Variants in LRP1B observed in about 807,000 individuals in gnomAD.
LRP1B encodes LDL receptor related protein 1B.
LRP1B carries 217 observed loss-of-function variants against 556.6 expected under a neutral mutation model. The observed-to-expected ratio is 0.39, with a 90% confidence interval of 0.35 to 0.44. The LOEUF is 0.44. Ranked by LOEUF, LRP1B falls within the 20% of genes least tolerant of loss-of-function variation. LRP1B has a pLI of 1.00. For synonymous variants in LRP1B, 2,047 were observed against 1,865.8 expected (o/e 1.10, Z -2.50); for missense variants, 5,053 against 5,620.8 (o/e 0.90, Z 3.23).
At chr2:140,373,229 T>C (rs2105172400) in intron 68 of LRP1B, 92 bp from the exon 69 acceptor site, 1 of 1,037,702 alleles carries the variant, frequency 9.6e-7, no homozygotes, top group Non-Finnish European at 1.4e-6. Context: ...ACAGAAAACC[T>C]GGAACTGATC....
At chr2:141,154,146 C>G (rs1462659802) in intron 7 of LRP1B, among the ~76,000 whole-genome samples, 1 of 151,764 alleles carries the variant, frequency 6.6e-6, no homozygotes, top group African/African-American at 2.4e-5. Flanking sequence ...AGATTACAAG[C>G]TAATACGACT....
intron 32 of LRP1B, among the ~76,000 whole-genome samples, chr2:140,805,802 T>C (rs1559130043): frequency 6.6e-6 from 1 of 152,058 alleles, no homozygotes; most frequent in African/African-American, 2.4e-5. Context: ...GAGAAATAGA[T>C]AAAGAGATAT....
At chr2:142,011,830 A>G (rs954611101) in intron 1 of LRP1B, among the ~76,000 whole-genome samples, 2 of 152,152 alleles carry the variant, frequency 1.3e-5, no homozygotes, top group Non-Finnish European at 2.9e-5. Flanking sequence ...ATATTTTGTG[A>G]CATTTAAAAA....
chr2:140,704,326 A>T (rs1277746807), intron 37 of LRP1B, among the ~76,000 whole-genome samples: 1 of 152,124 alleles, frequency 6.6e-6, no homozygotes. Context: ...TTGTTTTAAT[A>T]GTTGATATTT....
At chr2:140,756,972 AC>A (rs1553524279) in intron 35 of LRP1B, among the ~76,000 whole-genome samples, 1 of 152,208 alleles carries the variant, frequency 6.6e-6, no homozygotes, top group Non-Finnish European at 1.5e-5. Flanking sequence ...TATTAAAAAG[AC>A]AAAGACCCCA....
intron 46 of LRP1B, 42 bp downstream of exon 46, chr2:140,536,538 GA>G: frequency 6.4e-7 from 1 of 1,568,080 alleles, no homozygotes; most frequent in South Asian, 1.2e-5. Flanking sequence ...TAAAGAATCA[GA>G]AAACTTTATC....
At chr2:141,812,620 G>A (rs1442429417) in intron 1 of LRP1B, among the ~76,000 whole-genome samples, 2 of 152,042 alleles carry the variant, frequency 1.3e-5, no homozygotes, top group Non-Finnish European at 2.9e-5. Flanking sequence ...TAAAAACATA[G>A]GATCAGTTAT....
At chr2:142,064,608 G>A (rs1705037539) in intron 1 of LRP1B, among the ~76,000 whole-genome samples, 1 of 151,390 alleles carries the variant, frequency 6.6e-6, no homozygotes, top group Non-Finnish European at 1.5e-5. Flanking sequence ...TAAATGGTAT[G>A]ATATTCTGCA....
chr2:141,414,355 G>A (rs1448831592), intron 3 of LRP1B, among the ~76,000 whole-genome samples: 8 of 134,726 alleles, frequency 5.9e-5, no homozygotes, highest in African/African-American at 2.2e-4. Flanking sequence ...GAGGAAGGGA[G>A]GGAGGAAGAG....
chr2:141,752,514 T>G (rs1165090544), intron 2 of LRP1B, among the ~76,000 whole-genome samples: 1 of 152,128 alleles, frequency 6.6e-6, no homozygotes, highest in Non-Finnish European at 1.5e-5. Context: ...CACTATCCAC[T>G]AACTCCTGTG....
In LRP1B at chr2:141,197,882, G is replaced by T. The variant is rs560936784; in HGVS notation, c.851-9299C>A. On this transcript the variant is annotated intron_variant, in intron 6 of 90. Coordinates refer to ENST00000389484, the MANE Select transcript of LRP1B (RefSeq NM_018557.3). Reference sequence around the variant, plus strand: ...CAAAAATGATGGCAGAAATTTTGAAGACATCACAGAAAATCAGAAAAATTC... The same window carrying T: ...CAAAAATGATGGCAGAAATTTTGAATACATCACAGAAAATCAGAAAAATTC... 3.8e-4 allele frequency among the ~76,000 whole-genome samples: 58 copies of T among 152,204 alleles called. 1 individual carries two copies. Among genetic ancestry groups the T allele is most frequent in the African/African-American group, 1.1e-3 (47 of 41,554 alleles).
chr2:141,373,073 A>T (rs1038662128), intron 3 of LRP1B, among the ~76,000 whole-genome samples: 2 of 152,032 alleles, frequency 1.3e-5, no homozygotes, highest in African/African-American at 2.4e-5. Flanking sequence ...TTTTTAAAAA[A>T]TTTCTGTCTT....
intron 3 of LRP1B, among the ~76,000 whole-genome samples, chr2:141,298,245 T>C (rs2105423919): frequency 6.6e-6 from 1 of 152,332 alleles, no homozygotes; most frequent in East Asian, 1.9e-4. Context: ...AATGTGGCCT[T>C]GCCCAAAGAA....
intron 2 of LRP1B, among the ~76,000 whole-genome samples, chr2:141,632,532 A>AT (rs1558767378): frequency 1.3e-5 from 2 of 152,124 alleles, no homozygotes; most frequent in Non-Finnish European, 2.9e-5. Context: ...ATACTATTCT[A>AT]TTTTTCACAC....
intron 1 of LRP1B, among the ~76,000 whole-genome samples, chr2:141,840,539 G>A (rs935199053): frequency 6.6e-6 from 1 of 152,030 alleles, no homozygotes; most frequent in South Asian, 2.1e-4. Context: ...TTACAGGTGA[G>A]AGCCACCACG....
In LRP1B at chr2:140,253,085, GATAGCTTAA is replaced by G. The variant is rs1681524306; in HGVS notation, c.13248-5932_13248-5924del. Among the ~76,000 whole-genome samples, 14 of 152,038 alleles carry G rather than the reference GATAGCTTAA, an allele frequency of 9.2e-5. No individual in the cohort carries two copies. In the South Asian group the frequency reaches 2.7e-3, roughly 29 times the overall value. On this transcript the variant is annotated intron_variant, in intron 86 of 90. Coordinates refer to ENST00000389484, the MANE Select transcript of LRP1B (RefSeq NM_018557.3). ...GGTGTTACTTTGCATTCTTTATTCAGATAGCTTAAAGTAGCATCTTAAATTTATGTCTGT... is the reference window on the plus strand; with the variant it reads ...GGTGTTACTTTGCATTCTTTATTCAGAGTAGCATCTTAAATTTATGTCTGT...
Position 140,536,231 on chromosome 2 carries a change from CTG to C in LRP1B, c.7642+348_7642+349del, listed in dbSNP as rs576873354. ...CACGGAGTGCTGTTATCCTAGCACT[CTG>C]TGAGGCTGAAGTGGGAGGATTGCTT... On this transcript the variant is annotated intron_variant, in intron 46 of 90. Transcript: ENST00000389484. Among the ~76,000 whole-genome samples, 61 of 140,556 alleles carry C rather than the reference CTG, an allele frequency of 4.3e-4. No homozygotes were observed. The East Asian group carries it at 0.013, about 30-fold the overall frequency. 92.2% of individuals were successfully genotyped at this position (140,556 alleles called of 152,430 possible).
intron 79 of LRP1B, among the ~76,000 whole-genome samples, chr2:140,328,807 T>A (rs1480767829): frequency 6.6e-6 from 1 of 151,536 alleles, no homozygotes; most frequent in East Asian, 1.9e-4. Flanking sequence ...AACACACTTA[T>A]TTTTCATACA....
intron 41 of LRP1B, among the ~76,000 whole-genome samples, chr2:140,625,627 A>G (rs564242697): frequency 6.6e-6 from 1 of 152,334 alleles, no homozygotes; most frequent in Admixed American, 6.5e-5. Flanking sequence ...AAGCATATGA[A>G]AAGATGTTCA....
Sources: allele counts gnomAD v4.1 joint callset (sites outside exome capture counted in the v4.1 genomes callset), GRCh38; gene constraint gnomAD v4.1.1; transcripts MANE v1.5; gene names NCBI Gene and HGNC (gene_info 2026-07-23, HGNC 2026-07-21).